CROCC2: variants seen among roughly 807,000 people sequenced by gnomAD.
CROCC2 encodes ciliary rootlet coiled-coil protein 2.
Under a neutral mutation model 177.6 loss-of-function variants are expected in CROCC2, and 163 were observed. The observed-to-expected ratio is 0.92, with a 90% CI of 0.81 to 1.05. The LOEUF is 1.05. CROCC2 is among the 50% of genes least tolerant of loss of function. CROCC2 has a pLI of 0.00. For synonymous variants in CROCC2, 904 were observed against 787.3 expected, an observed-to-expected ratio of 1.15 and a Z score of -2.48; for missense variants, 1,929 against 1,797.8, an observed-to-expected ratio of 1.07 and a Z score of -1.32.
chr2:240,955,794 A>AG lies in CROCC2; in HGVS notation c.2830-59dup, dbSNP rs555939120. 38 of 1,120,688 alleles carry AG rather than the reference A, an allele frequency of 3.4e-5. No homozygotes were observed. The South Asian group carries it at 4.4e-4, about 13-fold the overall frequency. 69.4% of individuals were successfully genotyped at this position (1,120,688 alleles called of 1,614,324 possible). A position where few individuals can be genotyped will look rare whatever the true frequency, so the allele number is the denominator to read the frequency against. The stretch of plus-strand genomic sequence containing the variant: ...GCATTCTGCCACAGCCTCTCCTTAG[A>AG]GGGGGGCCTCTTCCCTCCCCCGAGA... On this transcript the variant is annotated intron_variant, in intron 18 of 31. Coordinates refer to ENST00000690015, the MANE Select transcript of CROCC2 (RefSeq NM_001351305.2).
At position 240,982,163 on chromosome 2, in the gene CROCC2, G is replaced by A. The variant is rs2059805342; in HGVS notation, c.4402-717G>A. The A allele has an allele frequency of 6.6e-6, 1 of 152,300 alleles. No individual in the cohort carries two copies. The highest frequency in any genetic ancestry group is 6.6e-5 in the Admixed American group (1 of 15,262). 9.4% of individuals were successfully genotyped at this position (152,300 alleles called of 1,614,324 possible). A position where few individuals can be genotyped will look rare whatever the true frequency, so the allele number is the denominator to read the frequency against. On this transcript the variant is annotated intron_variant, in intron 27 of 31. Coordinates refer to ENST00000690015, the MANE Select transcript of CROCC2 (RefSeq NM_001351305.2). This position sits in a 1 kb window ranked among gnomAD's most constrained non-coding sequence, Gnocchi z 4.7. Reference sequence around the variant, plus strand: ...CAGCTGGGAGCACCACAGGCCCAGAGCAAGGCAGTGGCATGGCCGATGATA... The same window carrying A: ...CAGCTGGGAGCACCACAGGCCCAGAACAAGGCAGTGGCATGGCCGATGATA...
Position 240,917,870 on chromosome 2 carries a change from G to A in CROCC2, c.79-856G>A, listed in dbSNP as rs996038152. The stretch of plus-strand genomic sequence containing the variant: ...CGGCCTGTGTGTCCTGCCCACAGTC[G>A]GTAATCTATTTCACCTGGCAGGAGT... On this transcript the variant is annotated intron_variant, in intron 1 of 31. Coordinates refer to ENST00000690015, the MANE Select transcript of CROCC2 (RefSeq NM_001351305.2). This position sits in a 1 kb window ranked among gnomAD's most constrained non-coding sequence, Gnocchi z 4.9. Among the ~76,000 whole-genome samples the A allele has an allele frequency of 3.9e-5, 6 of 152,164 alleles. No individual in the cohort carries two copies. Among genetic ancestry groups the A allele is most frequent in the South Asian group, 2.1e-4 (1 of 4,824 alleles).
At chr2:240,987,496 T>C (rs1225711890) in intron 28 of CROCC2, among the ~76,000 whole-genome samples, 1 of 152,220 alleles carries the variant, frequency 6.6e-6, no homozygotes, top group Non-Finnish European at 1.5e-5. Flanking sequence ...TTCTCAGTCC[T>C]GAAGAAGAAA....
Position 240,960,860 on chromosome 2 carries a change from G to A in CROCC2, c.3087+1416G>A, listed in dbSNP as rs944810256. On this transcript the variant is annotated intron_variant, in intron 20 of 31. Transcript: ENST00000690015. This position sits in a 1 kb window ranked among gnomAD's most constrained non-coding sequence, Gnocchi z 5.0. Reference sequence around the variant, plus strand: ...CTCCTTTCAACAGATTTCAAAGTCAGGCCCGGTCAGCGACCACACGGGGAA... The same window carrying A: ...CTCCTTTCAACAGATTTCAAAGTCAAGCCCGGTCAGCGACCACACGGGGAA... Among the ~76,000 whole-genome samples the A allele has an allele frequency of 6.6e-6, 1 of 151,416 alleles. No homozygotes were observed. The highest frequency in any genetic ancestry group is 2.4e-5 in the African/African-American group (1 of 41,122).
rs1352666692 is a variant in CROCC2, at chr2:240,925,885, T to A, written c.645+5T>A. On this transcript the variant is annotated splice_donor_5th_base_variant and intron_variant, in intron 5 of 31. Transcript: ENST00000690015. ...AGGCGCTGGGCCCAGAGACAGGTGC[T>A]CCCCCAACCCTTGCTCACCTCATGG... 6 of 709,232 alleles carry A rather than the reference T, an allele frequency of 8.5e-6. No individual in the cohort carries two copies. The highest frequency in any genetic ancestry group is 1.6e-5 in the Non-Finnish European group (6 of 381,572). The allele number at this position is 709,232 out of a possible 1,614,324, so 43.9% of individuals were successfully genotyped here. A position where few individuals can be genotyped will look rare whatever the true frequency, so the allele number is the denominator to read the frequency against.
At chr2:240,944,384 A>G (rs572699608) in intron 14 of CROCC2, among the ~76,000 whole-genome samples, 3 of 152,282 alleles carry the variant, frequency 2.0e-5, no homozygotes, top group East Asian at 3.9e-4. Flanking sequence ...CTTGGCCTGT[A>G]TCTGTTCAAA....
chr2:240,983,781 T>A, intron 28 of CROCC2: 1 of 404,958 alleles, frequency 2.5e-6, no homozygotes, highest in Non-Finnish European at 4.2e-6. Context: ...TGGCTCTCCC[T>A]GGGGAGGCAC....
In CROCC2 at chr2:240,949,070, G is replaced by T; in HGVS notation, c.2455G>T (p.Ala819Ser). ...QEQLEEEARS[A>S]GLARQALQVE... ...GCAGCTGGAGGAGGAAGCCCGGAGC[G>T]CAGGACTCGCGCGGCAGGCCTTGCA... The change falls in exon 16 of 32, where the codon GCA (alanine) becomes TCA (serine). Residue 819 changes from alanine to serine, a missense_variant. Ala to Ser is a moderately conservative substitution (Grantham distance 99). Coordinates refer to ENST00000690015, the MANE Select transcript of CROCC2 (RefSeq NM_001351305.2). The surrounding 1 kb of genome is among the most constrained non-coding windows in gnomAD (Gnocchi z 4.5). 4 of 1,547,202 alleles carry T rather than the reference G, an allele frequency of 2.6e-6. No homozygotes were observed. The highest frequency in any genetic ancestry group is 3.5e-6 in the Non-Finnish European group (4 of 1,146,078).
intron 28 of CROCC2, among the ~76,000 whole-genome samples, chr2:240,985,662 C>T (rs1334335657): frequency 3.1e-5 from 3 of 97,974 alleles, no homozygotes; most frequent in African/African-American, 4.5e-5. Flanking sequence ...ACACCCAGCA[C>T]ACACACCCAG....
chr2:240,969,691 G>A (rs969012781), intron 27 of CROCC2, among the ~76,000 whole-genome samples: 1 of 152,186 alleles, frequency 6.6e-6, no homozygotes, highest in Non-Finnish European at 1.5e-5. Context: ...CAGAAATAAC[G>A]TGCTCTGCTC....
Position 240,949,292 on chromosome 2 carries a change from C to T in CROCC2, c.2482+195C>T. The T allele has an allele frequency of 3.9e-6, 3 of 767,754 alleles. No homozygotes were observed. Among genetic ancestry groups the T allele is most frequent in the Non-Finnish European group, 3.2e-6 (2 of 631,002 alleles). 47.6% of individuals were successfully genotyped at this position (767,754 alleles called of 1,614,324 possible). A position where few individuals can be genotyped will look rare whatever the true frequency, so the allele number is the denominator to read the frequency against. On this transcript the variant is annotated intron_variant, in intron 16 of 31. Transcript: ENST00000690015. This position sits in a 1 kb window ranked among gnomAD's most constrained non-coding sequence, Gnocchi z 4.5. ...GAGGAGCAGCAACACCCTGCCCAGG[C>T]TGCACCTGGTGCCAGCCTGAGGCTT...
intron 2 of CROCC2, 84 bp from the exon 3 acceptor site, chr2:240,919,899 G>A: frequency 1.9e-6 from 1 of 534,296 alleles, no homozygotes; most frequent in African/African-American, 2.0e-5. Flanking sequence ...GGCCAGCCCA[G>A]GGTCCCACCG....
chr2:240,925,653 T>C, intron 4 of CROCC2, 71 bp from the exon 5 acceptor site: 1 of 637,458 alleles, frequency 1.6e-6, no homozygotes, highest in Non-Finnish European at 2.9e-6. Flanking sequence ...GCCCCTTGAC[T>C]TGGGGACTCT....
intron 21 of CROCC2, 73 bp downstream of exon 21, chr2:240,963,846 G>C: frequency 6.8e-7 from 1 of 1,475,274 alleles, no homozygotes; most frequent in Non-Finnish European, 9.2e-7. Context: ...GGGAGGATGG[G>C]GCAAGGGGGC....
At chr2:240,944,981 G>A (rs917402097) in intron 14 of CROCC2, among the ~76,000 whole-genome samples, 1 of 152,170 alleles carries the variant, frequency 6.6e-6, no homozygotes, top group Non-Finnish European at 1.5e-5. Context: ...CTGTCACCCA[G>A]GCTGGAGTGC....
chr2:240,992,982 C>G (rs61308140), intron 31 of CROCC2, 84 bp from the exon 32 acceptor site: 39,747 of 692,666 alleles, frequency 0.057, 4,071 homozygotes, highest in East Asian at 0.27. Flanking sequence ...GACTCAGCAT[C>G]GGTCCCTCCA....
Position 240,952,306 on chromosome 2 carries a change from A to G in CROCC2, c.2829+1796A>G, listed in dbSNP as rs1315152500. Reference sequence around the variant, plus strand: ...GCTTGCAGTGAGCTGAGATCCAGATACTCCTTCTCAAAAAAAAAAAAAAAA... The same window carrying G: ...GCTTGCAGTGAGCTGAGATCCAGATGCTCCTTCTCAAAAAAAAAAAAAAAA... On this transcript the variant is annotated intron_variant, in intron 18 of 31. Transcript: ENST00000690015. 6.4e-5 allele frequency among the ~76,000 whole-genome samples: 7 copies of G among 108,792 alleles called. No individual in the cohort carries two copies. The Admixed American group carries it at 7.5e-4, about 12-fold the overall frequency. 71.4% of individuals were successfully genotyped at this position (108,792 alleles called of 152,430 possible).
intron 20 of CROCC2, among the ~76,000 whole-genome samples, chr2:240,961,221 T>A (rs941666901): frequency 6.6e-6 from 1 of 152,112 alleles, no homozygotes; most frequent in Admixed American, 6.5e-5. Flanking sequence ...CTGCCTGAGG[T>A]CCACACGTGT....
chr2:240,958,691 C>T lies in CROCC2; in HGVS notation c.2944-610C>T, dbSNP rs1487298152. On this transcript the variant is annotated intron_variant, in intron 19 of 31. Coordinates refer to ENST00000690015, the MANE Select transcript of CROCC2 (RefSeq NM_001351305.2). This position sits in a 1 kb window ranked among gnomAD's most constrained non-coding sequence, Gnocchi z 6.7. Reference sequence around the variant, plus strand: ...CCCTTCATGTTGAGGACACTGAGGCCCAGGAAGCTGAGACCCCCTGAGCCC... The same window carrying T: ...CCCTTCATGTTGAGGACACTGAGGCTCAGGAAGCTGAGACCCCCTGAGCCC... The T allele has an allele frequency of 2.9e-5, 20 of 700,650 alleles. No homozygotes were observed. Among genetic ancestry groups the T allele is most frequent in the Non-Finnish European group, 3.5e-5 (20 of 569,508 alleles). The allele number at this position is 700,650 out of a possible 1,614,324, so 43.4% of individuals were successfully genotyped here.
Sources: gnomAD v4.1 joint callset for allele counts (sites outside exome capture counted in the v4.1 genomes callset) on GRCh38, gnomAD v4.1.1 for gene constraint, Gnocchi (gnomAD v3.1) non-coding constraint, MANE v1.5 for transcripts, NCBI Gene and HGNC (gene_info 2026-07-23, HGNC 2026-07-21) for gene names.